The following IGF1R variants were observed in gnomAD, a reference collection of about 807,000 sequenced individuals.
IGF1R encodes the protein insulin-like growth factor 1 receptor.
In IGF1R, 44 loss-of-function variants were observed where a neutral mutation model predicts 144.6. The ratio of observed to expected loss-of-function variants is 0.30; its 90% CI spans 0.24 to 0.39. IGF1R has a LOEUF of 0.39. Ranked by LOEUF, IGF1R falls within the 10% of genes least tolerant of loss-of-function variation. The pLI is 1.00. For synonymous variants in IGF1R, 795 were observed against 722.8 expected (o/e 1.10, Z -1.60); for missense variants, 1,355 against 1,833.7 (o/e 0.74, Z 4.77).
intron 2 of IGF1R, among the ~76,000 whole-genome samples, chr15:98,887,852 C>T (rs558219807): frequency 1.3e-5 from 2 of 152,316 alleles, no homozygotes; most frequent in Admixed American, 6.5e-5. Flanking sequence ...CCTTGCACTG[C>T]GGCCAGGTAA....
chr15:98,885,024 T>A (rs1421466523), intron 2 of IGF1R, among the ~76,000 whole-genome samples: 1 of 152,152 alleles, frequency 6.6e-6, no homozygotes. Flanking sequence ...TGGCCCGCAC[T>A]CTCTGTTGGC....
intron 8 of IGF1R, among the ~76,000 whole-genome samples, chr15:98,914,803 C>G (rs371490579): frequency 6.6e-6 from 1 of 152,156 alleles, no homozygotes; most frequent in Non-Finnish European, 1.5e-5. Context: ...AGAACTTGGT[C>G]CTCTGCCTCT....
chr15:98,909,887 C>T lies in IGF1R; in HGVS notation c.1462+988C>T, dbSNP rs138847425. Among the ~76,000 whole-genome samples the T allele has an allele frequency of 1.6e-4, 25 of 152,252 alleles. No individual in the cohort carries two copies. In the East Asian group the frequency reaches 4.1e-3, roughly 25 times the overall value. On this transcript the variant is annotated intron_variant, in intron 6 of 20. Transcript: ENST00000650285. ...TTCTCATCTAACCCTGTGTAGAATA[C>T]GGCTGTTGAGAATGGCGTGGCTCTC...
In IGF1R at chr15:98,959,510, A is replaced by G. The variant is rs1204360554; in HGVS notation, c.*2068A>G. ...TCAGGGCTGTGCCCGCTGGAGTGCT[A>G]GGTGGAGGCAGCACAGACGCCACGG... is the stretch of plus-strand genomic sequence containing the variant. On this transcript the variant is annotated 3_prime_UTR_variant, in exon 21 of 21. Transcript: ENST00000650285. 4.3e-6 allele frequency: 1 copy of G among 233,574 alleles called. No individual in the cohort carries two copies. The highest frequency in any genetic ancestry group is 8.5e-6 in the Non-Finnish European group (1 of 118,032). The allele number at this position is 233,574 out of a possible 1,614,324, so 14.5% of individuals were successfully genotyped here. A position where few individuals can be genotyped will look rare whatever the true frequency, so the allele number is the denominator to read the frequency against.
chr15:98,935,441 C>A lies in IGF1R; in HGVS notation c.3297+15C>A, dbSNP rs1431467040. The A allele has an allele frequency of 5.0e-6, 7 of 1,410,912 alleles. No individual in the cohort carries two copies. In the East Asian group the frequency reaches 1.5e-4, roughly 30 times the overall value. The allele number at this position is 1,410,912 out of a possible 1,614,324, so 87.4% of individuals were successfully genotyped here. Reference sequence around the variant, plus strand: ...CAGAAATGGAGGTCAGTTTTCATTTCCACCGGTATTGCATGTTGCCTGGCC... The same window carrying A: ...CAGAAATGGAGGTCAGTTTTCATTTACACCGGTATTGCATGTTGCCTGGCC... On this transcript the variant is annotated intron_variant, in intron 17 of 20. Coordinates refer to ENST00000650285, the MANE Select transcript of IGF1R (RefSeq NM_000875.5). This position sits in a 1 kb window ranked among gnomAD's most constrained non-coding sequence, Gnocchi z 4.2.
At chr15:98,895,060 G>T (rs1156762516) in intron 3 of IGF1R, among the ~76,000 whole-genome samples, 1 of 151,216 alleles carries the variant, frequency 6.6e-6, no homozygotes, top group African/African-American at 2.4e-5. Flanking sequence ...ATGGAAAACA[G>T]ATTAGTGGTT....
chr15:98,758,248 T>C (rs2055205464), intron 2 of IGF1R, among the ~76,000 whole-genome samples: 1 of 152,126 alleles, frequency 6.6e-6, no homozygotes, highest in Admixed American at 6.5e-5. Context: ...ATACTCCAAT[T>C]GTGTCTCCAC....
At position 98,867,154 on chromosome 15, in the gene IGF1R, G is replaced by GGAGAGA. The variant is rs60863950; in HGVS notation, c.641-24146_641-24141dup. 1.1e-3 allele frequency among the ~76,000 whole-genome samples: 164 copies of GGAGAGA among 146,226 alleles called. 1 individual carries two copies. Among genetic ancestry groups the GGAGAGA allele is most frequent in the Middle Eastern group, 7.0e-3 (2 of 286 alleles). Reference sequence around the variant, plus strand: ...CTTCCTTGTGCCAGGAGAGAAAGGGGGAGAGAGAGAGAGAGAGAGAGAGAG... The same window carrying GGAGAGA: ...CTTCCTTGTGCCAGGAGAGAAAGGGGGAGAGAGAGAGAGAGAGAGAGAGAGAGAGAG... On this transcript the variant is annotated intron_variant, in intron 2 of 20. Transcript: ENST00000650285.
chr15:98,684,889 A>G (rs1175839805), intron 1 of IGF1R, among the ~76,000 whole-genome samples: 6 of 148,862 alleles, frequency 4.0e-5, no homozygotes, highest in Non-Finnish European at 8.9e-5. Context: ...CTGACCCCAC[A>G]CTGTAGGCTC....
At chr15:98,946,220 G>T (rs1011474170) in intron 19 of IGF1R, among the ~76,000 whole-genome samples, 1 of 151,458 alleles carries the variant, frequency 6.6e-6, no homozygotes, top group Admixed American at 6.6e-5. Context: ...GGGGTGGGGG[G>T]TTCCTGGCAG....
At position 98,935,636 on chromosome 15, in the gene IGF1R, C is replaced by G. The variant is rs2016112679; in HGVS notation, c.3297+210C>G. Reference sequence around the variant, plus strand: ...TCTTCGTGAGGGGAACTTCCTGTTCCTTGGATCCCCTCTGCTAAGCCCCTC... The same window carrying G: ...TCTTCGTGAGGGGAACTTCCTGTTCGTTGGATCCCCTCTGCTAAGCCCCTC... On this transcript the variant is annotated intron_variant, in intron 17 of 20. Coordinates refer to ENST00000650285, the MANE Select transcript of IGF1R (RefSeq NM_000875.5). The surrounding 1 kb of genome is among the most constrained non-coding windows in gnomAD (Gnocchi z 4.2). Among the ~76,000 whole-genome samples, 1 of 152,132 alleles carries G rather than the reference C, an allele frequency of 6.6e-6. No homozygotes were observed. The highest frequency in any genetic ancestry group is 2.1e-4 in the South Asian group (1 of 4,826).
chr15:98,846,628 G>C (rs2011338562), intron 2 of IGF1R, among the ~76,000 whole-genome samples: 1 of 152,184 alleles, frequency 6.6e-6, no homozygotes, highest in Admixed American at 6.5e-5. Context: ...GGTCTTCTCA[G>C]GGGTCCCTGT....
intron 11 of IGF1R, among the ~76,000 whole-genome samples, chr15:98,923,444 T>C (rs1421240459): frequency 1.3e-5 from 2 of 152,250 alleles, no homozygotes; most frequent in African/African-American, 2.4e-5. Context: ...CGTGTCCTGC[T>C]TCTGCTTACT....
intron 2 of IGF1R, among the ~76,000 whole-genome samples, chr15:98,782,884 T>A (rs1327544113): frequency 1.3e-5 from 2 of 152,244 alleles, no homozygotes; most frequent in African/African-American, 4.8e-5. Flanking sequence ...GAAATAGTCC[T>A]TGAGCTAAGA....
intron 1 of IGF1R, among the ~76,000 whole-genome samples, chr15:98,694,596 T>A (rs542057145): frequency 6.6e-6 from 1 of 152,256 alleles, no homozygotes; most frequent in South Asian, 2.1e-4. Flanking sequence ...ACTGCCTGAT[T>A]TGCTTTAAAG....
At chr15:98,767,938 A>G (rs1225993347) in intron 2 of IGF1R, among the ~76,000 whole-genome samples, 1 of 152,094 alleles carries the variant, frequency 6.6e-6, no homozygotes, top group Non-Finnish European at 1.5e-5. Context: ...TTTTCCTGAG[A>G]ATGTGGCAAA....
intron 2 of IGF1R, among the ~76,000 whole-genome samples, chr15:98,748,076 A>G (rs2054912957): frequency 6.6e-6 from 1 of 152,068 alleles, no homozygotes; most frequent in Admixed American, 6.5e-5. Flanking sequence ...TTTATTTCTG[A>G]TTTTCTTATT....
intron 2 of IGF1R, among the ~76,000 whole-genome samples, chr15:98,768,781 A>AAAAAAGCCGGGCGCGGT: frequency 6.9e-6 from 1 of 145,472 alleles, no homozygotes; most frequent in Admixed American, 6.8e-5. Context: ...AAAAAAAAAA[A>AAAAAAGCCGGGCGCGGT]GCCGGGCGCG....
intron 2 of IGF1R, among the ~76,000 whole-genome samples, chr15:98,765,346 T>A (rs1376821317): frequency 2.1e-5 from 3 of 139,844 alleles, no homozygotes; most frequent in Non-Finnish European, 4.6e-5. Context: ...TGAGACAGTC[T>A]CGCTGTGTTG....
Sources: allele counts gnomAD v4.1 joint callset (sites outside exome capture counted in the v4.1 genomes callset), GRCh38; gene constraint gnomAD v4.1.1; non-coding constraint Gnocchi (gnomAD v3.1); transcripts MANE v1.5; gene names NCBI Gene and HGNC (gene_info 2026-07-23, HGNC 2026-07-21).